The following GPR139 variants were observed in gnomAD, a reference collection of about 807,000 sequenced individuals.
The protein encoded by GPR139 is G protein-coupled receptor 139.
GPR139 carries 12 observed loss-of-function variants against 25.8 expected under a neutral mutation model. The observed-to-expected ratio is 0.47, with a 90% CI of 0.30 to 0.75. The LOEUF is 0.75. Ranked by LOEUF, GPR139 falls within the 30% of genes least tolerant of loss-of-function variation. The pLI, the probability that GPR139 is intolerant of heterozygous loss-of-function variation, is 0.07. For synonymous variants in GPR139, 184 were observed against 179.9 expected, an observed-to-expected ratio of 1.02 and a Z score of -0.18; for missense variants, 380 against 450.2, an observed-to-expected ratio of 0.84 and a Z score of 1.41.
rs1010598029 is a variant in GPR139, at chr16:20,029,543, G to A, written c.*2192C>T. Among the ~76,000 whole-genome samples the A allele has an allele frequency of 3.8e-4, 57 of 151,422 alleles. No individual in the cohort carries two copies. The highest frequency in any genetic ancestry group is 1.4e-3 in the African/African-American group (56 of 41,252). ...CCTTTGGTCAATGTCCATTCATAAGGGGGTGTAGTGGCGTTGCATCACACA... is the reference window on the plus strand; with the variant it reads ...CCTTTGGTCAATGTCCATTCATAAGAGGGTGTAGTGGCGTTGCATCACACA... On this transcript the variant is annotated 3_prime_UTR_variant, in exon 2 of 2. Coordinates refer to ENST00000570682, the MANE Select transcript of GPR139 (RefSeq NM_001002911.4).
In GPR139 at chr16:20,029,484, A is replaced by AATAAATAT. The variant is rs1334867595; in HGVS notation, c.*2250_*2251insATATTTAT. 1.4e-5 allele frequency among the ~76,000 whole-genome samples: 2 copies of AATAAATAT among 144,080 alleles called. No individual in the cohort carries two copies. Among genetic ancestry groups the AATAAATAT allele is most frequent in the African/African-American group, 2.5e-5 (1 of 39,876 alleles). The allele number at this position is 144,080 out of a possible 152,430, so 94.5% of individuals were successfully genotyped here. ...TACATGTTTAAAAAATAAATAAATA[A>AATAAATAT]ATATATATATATATATATATTCAGT... On this transcript the variant is annotated 3_prime_UTR_variant, in exon 2 of 2. Coordinates refer to ENST00000570682, the MANE Select transcript of GPR139 (RefSeq NM_001002911.4).
intron 1 of GPR139, among the ~76,000 whole-genome samples, chr16:20,052,443 G>A (rs2057375519): frequency 6.6e-6 from 1 of 152,254 alleles, no homozygotes; most frequent in African/African-American, 2.4e-5. Flanking sequence ...TGATGCTGCT[G>A]CTGCTGATGA....
At chr16:20,051,062 C>CAAAAAAAAA (rs3041359) in intron 1 of GPR139, among the ~76,000 whole-genome samples, 54 of 121,336 alleles carry the variant, frequency 4.5e-4, no homozygotes, top group Middle Eastern at 3.9e-3. Context: ...GACCCTGTTT[C>CAAAAAAAAA]AAAAAAAAAA....
intron 1 of GPR139, among the ~76,000 whole-genome samples, chr16:20,045,216 T>C (rs1303437502): frequency 1.3e-5 from 2 of 152,134 alleles, no homozygotes; most frequent in African/African-American, 4.8e-5. Flanking sequence ...GCCAGGCTGC[T>C]CTCGAACTCC....
chr16:20,038,327 A>ATGTGTG (rs1183749066), intron 1 of GPR139, among the ~76,000 whole-genome samples: 4 of 81,620 alleles, frequency 4.9e-5, no homozygotes, highest in African/African-American at 1.9e-4. Flanking sequence ...GATAATATAT[A>ATGTGTG]TATGTGTGTG....
At chr16:20,071,047 A>C in intron 1 of GPR139, 3 of 963,676 alleles carry the variant, frequency 3.1e-6, no homozygotes, top group Non-Finnish European at 3.7e-6. Flanking sequence ...GTGCAGTGTC[A>C]ATAAATGAAT....
At chr16:20,047,311 A>G (rs548013345) in intron 1 of GPR139, among the ~76,000 whole-genome samples, 2 of 152,164 alleles carry the variant, frequency 1.3e-5, no homozygotes, top group South Asian at 4.1e-4. Flanking sequence ...GGGTTTCACT[A>G]TGTTGGCCAG....
intron 1 of GPR139, among the ~76,000 whole-genome samples, chr16:20,065,076 T>C (rs1380033769): frequency 6.6e-6 from 1 of 152,118 alleles, no homozygotes; most frequent in Non-Finnish European, 1.5e-5. Context: ...CCACTTGCTG[T>C]GACCCCATTG....
At chr16:20,044,710 C>A (rs2057347899) in intron 1 of GPR139, among the ~76,000 whole-genome samples, 1 of 152,104 alleles carries the variant, frequency 6.6e-6, no homozygotes, top group Admixed American at 6.6e-5. Context: ...TGATATATTA[C>A]CTAACATTAT....
In GPR139 at chr16:20,031,617, C is replaced by G. The variant is rs1360547777; in HGVS notation, c.*118G>C. ...TCTACCAGTCTGAGAATTGCCCAGT[C>G]TGCGGGAGACAGGAAATCGGATTAG... On this transcript the variant is annotated 3_prime_UTR_variant, in exon 2 of 2. Transcript: ENST00000570682. 4 of 754,474 alleles carry G rather than the reference C, an allele frequency of 5.3e-6. No individual in the cohort carries two copies. The African/African-American group carries it at 7.0e-5, about 13-fold the overall frequency. The allele number at this position is 754,474 out of a possible 1,614,324, so 46.7% of individuals were successfully genotyped here.
intron 1 of GPR139, among the ~76,000 whole-genome samples, chr16:20,064,488 T>C (rs976917117): frequency 6.6e-6 from 1 of 152,082 alleles, no homozygotes; most frequent in Admixed American, 6.6e-5. Context: ...TGAGCTGAAA[T>C]TGGACCACTG....
rs2057461617 is a variant in GPR139, at chr16:20,072,087, A to C, written c.127+1403T>G. On this transcript the variant is annotated intron_variant, in intron 1 of 1. Coordinates refer to ENST00000570682, the MANE Select transcript of GPR139 (RefSeq NM_001002911.4). ...GCTGAAGGGGGGAGGTGGAACCTGG[A>C]CTAAAATCAATCCCAGCTCAAGGTA... Among the ~76,000 whole-genome samples, 3 of 152,186 alleles carry C rather than the reference A, an allele frequency of 2.0e-5. No homozygotes were observed. The South Asian group carries it at 6.2e-4, about 31-fold the overall frequency.
chr16:20,054,770 C>T (rs2057383490), intron 1 of GPR139, among the ~76,000 whole-genome samples: 1 of 151,932 alleles, frequency 6.6e-6, no homozygotes, highest in Non-Finnish European at 1.5e-5. Context: ...CTCTGTCACC[C>T]AGGCTGCAGT....
chr16:20,059,911 C>T (rs976134262), intron 1 of GPR139, among the ~76,000 whole-genome samples: 13 of 152,132 alleles, frequency 8.5e-5, no homozygotes, highest in Non-Finnish European at 1.5e-4. Flanking sequence ...CGTCCTCTGC[C>T]GGGAAGAAGG....
chr16:20,062,810 A>C (rs1161627551), intron 1 of GPR139, among the ~76,000 whole-genome samples: 1 of 152,238 alleles, frequency 6.6e-6, no homozygotes, highest in Non-Finnish European at 1.5e-5. Context: ...TTATTTAACT[A>C]TATACATCCA....
chr16:20,058,857 T>A (rs998728295), intron 1 of GPR139, among the ~76,000 whole-genome samples: 5 of 152,218 alleles, frequency 3.3e-5, no homozygotes, highest in African/African-American at 9.6e-5. Context: ...AGCTAGGTCA[T>A]TAGCAGGATT....
At chr16:20,057,929 TG>T (rs1352406066) in intron 1 of GPR139, among the ~76,000 whole-genome samples, 6 of 152,216 alleles carry the variant, frequency 3.9e-5, no homozygotes, top group Admixed American at 3.9e-4. Flanking sequence ...AGCCATTTCA[TG>T]TGCATCTCTG....
chr16:20,063,131 A>G lies in GPR139; in HGVS notation c.127+10359T>C, dbSNP rs989136442. On this transcript the variant is annotated intron_variant, in intron 1 of 1. Coordinates refer to ENST00000570682, the MANE Select transcript of GPR139 (RefSeq NM_001002911.4). ...CACAGTTGCACTAGTCAAATATCAA[A>G]TGCTCAGTAGCTACATGCAGCTAGT... Among the ~76,000 whole-genome samples the G allele has an allele frequency of 1.4e-4, 21 of 152,382 alleles. No homozygotes were observed. In the South Asian group the frequency reaches 3.7e-3, roughly 27 times the overall value.
At chr16:20,065,478 G>A (rs2057428868) in intron 1 of GPR139, among the ~76,000 whole-genome samples, 2 of 152,142 alleles carry the variant, frequency 1.3e-5, no homozygotes. Context: ...ACTGAATACT[G>A]CCCTGTCATT....
Sources: gnomAD v4.1 joint callset for allele counts (sites outside exome capture counted in the v4.1 genomes callset) on GRCh38, gnomAD v4.1.1 for gene constraint, MANE v1.5 for transcripts, NCBI Gene and HGNC (gene_info 2026-07-23, HGNC 2026-07-21) for gene names.